SLC25A24: variants seen among roughly 807,000 people sequenced by gnomAD.
The protein encoded by SLC25A24 is solute carrier family 25 member 24.
Under a neutral mutation model 60.7 loss-of-function variants are expected in SLC25A24, and 49 were observed. The ratio of observed to expected loss-of-function variants is 0.81; its 90% CI spans 0.64 to 1.02. The LOEUF (loss-of-function observed/expected upper bound fraction) is 1.02. SLC25A24 is among the 50% of genes least tolerant of loss of function. The pLI is 0.00. For missense variants in SLC25A24, 564 were observed against 586.3 expected (o/e 0.96, Z 0.39); for synonymous variants, 202 against 200.6 (o/e 1.01, Z -0.06).
intron 2 of SLC25A24, among the ~76,000 whole-genome samples, chr1:108,182,361 T>C (rs1414323407): frequency 6.6e-6 from 1 of 152,216 alleles, no homozygotes; most frequent in African/African-American, 2.4e-5. Flanking sequence ...CAAATCAAGA[T>C]ATTCTAACTC....
chr1:108,170,934 C>T (rs528215048), intron 3 of SLC25A24, among the ~76,000 whole-genome samples: 9 of 152,146 alleles, frequency 5.9e-5, no homozygotes, highest in Admixed American at 1.3e-4. Context: ...AGGATAAGAA[C>T]TCTATTTAGG....
At chr1:108,175,197 CA>C (rs756584696) in intron 3 of SLC25A24, among the ~76,000 whole-genome samples, 12 of 152,144 alleles carry the variant, frequency 7.9e-5, no homozygotes, top group Non-Finnish European at 1.2e-4. Context: ...CCACATGTCA[CA>C]GGAGGGACCC....
intron 3 of SLC25A24, among the ~76,000 whole-genome samples, chr1:108,168,123 A>G (rs1395070580): frequency 1.3e-5 from 2 of 152,206 alleles, no homozygotes; most frequent in African/African-American, 4.8e-5. Context: ...AAATGATGCA[A>G]AAGGATGGCA....
chr1:108,138,291 A>G (rs574601420), intron 9 of SLC25A24, among the ~76,000 whole-genome samples: 1 of 152,264 alleles, frequency 6.6e-6, no homozygotes, highest in East Asian at 1.9e-4. Context: ...TTAGTTACTG[A>G]CTGCTTGGCT....
At position 108,160,948 on chromosome 1, in the gene SLC25A24, G is replaced by C. The variant is rs529282532; in HGVS notation, c.510+234C>G. 3.8e-4 allele frequency among the ~76,000 whole-genome samples: 58 copies of C among 152,210 alleles called. No individual in the cohort carries two copies. The South Asian group carries it at 0.011, about 28-fold the overall frequency. On this transcript the variant is annotated intron_variant, in intron 4 of 9. Coordinates refer to ENST00000565488, the MANE Select transcript of SLC25A24 (RefSeq NM_013386.5). ...ATCAGAGGGAGACCGTGGAAAGAGAGGGAGAGGGAGACCGTGGGGAGGGGG... is the reference window on the plus strand; with the variant it reads ...ATCAGAGGGAGACCGTGGAAAGAGACGGAGAGGGAGACCGTGGGGAGGGGG...
chr1:108,184,993 C>G (rs571533232), intron 2 of SLC25A24, among the ~76,000 whole-genome samples: 97 of 152,174 alleles, frequency 6.4e-4, no homozygotes, highest in African/African-American at 2.2e-3. Flanking sequence ...GCTTCAAGAC[C>G]CTATTTCCAA....
At chr1:108,179,211 A>T (rs1647822886) in intron 3 of SLC25A24, among the ~76,000 whole-genome samples, 1 of 152,128 alleles carries the variant, frequency 6.6e-6, no homozygotes, top group Admixed American at 6.5e-5. Flanking sequence ...TACACTTAGA[A>T]TGACTATTAC....
At chr1:108,199,694 G>A (rs2101652129) in intron 1 of SLC25A24, 2 of 540,672 alleles carry the variant, frequency 3.7e-6, no homozygotes, top group Non-Finnish European at 6.5e-6. Context: ...AAATTTAACA[G>A]TGCCCGTGGG....
intron 8 of SLC25A24, among the ~76,000 whole-genome samples, chr1:108,142,731 T>C (rs1464915043): frequency 6.6e-6 from 1 of 152,200 alleles, no homozygotes; most frequent in Non-Finnish European, 1.5e-5. Context: ...TTAATGCCAC[T>C]GAATTGTACA....
chr1:108,148,472 C>T (rs1415389838), intron 6 of SLC25A24, 86 bp from the exon 7 acceptor site: 1 of 782,446 alleles, frequency 1.3e-6, no homozygotes, highest in Non-Finnish European at 2.3e-6. Flanking sequence ...GAAGCTGTAA[C>T]CTCCCATGTG....
At position 108,185,828 on chromosome 1, in the gene SLC25A24, C is replaced by T. The variant is rs992471214; in HGVS notation, c.310G>A (p.Gly104Arg). Reference protein sequence around the residue: ...AFKSLDKNNDGKIEASEIVQS... With the variant: ...AFKSLDKNNDRKIEASEIVQS... Reference sequence around the variant, plus strand: ...TGATAAATACAAAAGAAAGACACACCATCATTATTTTTGTCTAAACTCTTA... The same window carrying T: ...TGATAAATACAAAAGAAAGACACACTATCATTATTTTTGTCTAAACTCTTA... Residue 104 changes from glycine (G) to arginine (R), a missense_variant and splice_region_variant, in exon 2 of 10, where the codon GGA becomes AGA. Gly to Arg is a moderately radical substitution (Grantham distance 125, BLOSUM62 -2). Coordinates refer to ENST00000565488, the MANE Select transcript of SLC25A24 (RefSeq NM_013386.5). 1.6e-5 allele frequency: 26 copies of T among 1,583,546 alleles called. No homozygotes were observed. Among genetic ancestry groups the T allele is most frequent in the Non-Finnish European group, 2.2e-5 (26 of 1,159,150 alleles).
intron 3 of SLC25A24, among the ~76,000 whole-genome samples, chr1:108,180,616 ATCTC>A (rs3043349): frequency 0.018 from 1,092 of 61,592 alleles, 12 homozygotes; most frequent in East Asian, 0.039. Context: ...CAAGAGAAAG[ATCTC>A]TCTCTCTCTC....
At chr1:108,153,168 T>C (rs1310987560) in intron 6 of SLC25A24, among the ~76,000 whole-genome samples, 1 of 152,150 alleles carries the variant, frequency 6.6e-6, no homozygotes, top group African/African-American at 2.4e-5. Context: ...ACAAGAACAC[T>C]ACCCCACACT....
chr1:108,152,120 C>T (rs1429445029), intron 6 of SLC25A24, among the ~76,000 whole-genome samples: 3 of 152,148 alleles, frequency 2.0e-5, no homozygotes, highest in Non-Finnish European at 4.4e-5. Flanking sequence ...GTACTCATTT[C>T]ACTTCCCTAT....
At chr1:108,176,482 C>G (rs1647677697) in intron 3 of SLC25A24, among the ~76,000 whole-genome samples, 1 of 152,010 alleles carries the variant, frequency 6.6e-6, no homozygotes, top group Non-Finnish European at 1.5e-5. Flanking sequence ...AGAAAATTTT[C>G]CAAACCTGGA....
Position 108,136,674 on chromosome 1 carries a change from AG to A in SLC25A24, c.1412del (p.Thr471IlefsTer2), listed in dbSNP as rs765493447. 1 of 1,613,710 alleles carries A rather than the reference AG, an allele frequency of 6.2e-7. No individual in the cohort carries two copies. Among genetic ancestry groups the A allele is most frequent in the East Asian group, 2.2e-5 (1 of 44,862 alleles). ...SYVVYENMKQ[T>X]LGVTQK is the part of the protein sequence containing the mutation. ...AACATCATTTCTGGGTTACTCCTAA[AG>A]TTTGCTTCATATTTTCATAAACCAC... On this transcript the variant is annotated frameshift_variant, in exon 10 of 10. Transcript: ENST00000565488. LOFTEE classifies it high-confidence loss of function.
chr1:108,187,438 A>C (rs971350222), intron 1 of SLC25A24, among the ~76,000 whole-genome samples: 17 of 152,310 alleles, frequency 1.1e-4, no homozygotes, highest in African/African-American at 4.1e-4. Flanking sequence ...ATAAACTCCT[A>C]AAACTGGCAA....
Position 108,157,549 on chromosome 1 carries a change from C to A in SLC25A24, c.582G>T (p.Trp194Cys). ...TGCCTCCTGCCAAAAGCTGCCTCCA[C>A]CATTGTCCGGATTTTTTTTCGTCTT... ...FTEDEKKSGQWWRQLLAGGIA... is the reference protein window; with the variant it reads ...FTEDEKKSGQCWRQLLAGGIA... The change falls in exon 5 of 10, where the codon TGG becomes TGT. Residue 194 changes from tryptophan to cysteine, a missense_variant. Trp to Cys is a radical substitution (Grantham distance 215). Transcript: ENST00000565488. 1 of 1,614,146 alleles carries A rather than the reference C, an allele frequency of 6.2e-7. No individual in the cohort carries two copies. Among genetic ancestry groups the A allele is most frequent in the Non-Finnish European group, 8.5e-7 (1 of 1,180,032 alleles).
chr1:108,200,175 A>C lies in SLC25A24; in HGVS notation c.-37T>G. The C allele has an allele frequency of 6.6e-7, 1 of 1,520,752 alleles. No homozygotes were observed. Among genetic ancestry groups the C allele is most frequent in the Non-Finnish European group, 8.8e-7 (1 of 1,137,908 alleles). The allele number at this position is 1,520,752 out of a possible 1,614,324, so 94.2% of individuals were successfully genotyped here. A position where few individuals can be genotyped will look rare whatever the true frequency, so the allele number is the denominator to read the frequency against. On this transcript the variant is annotated 5_prime_UTR_variant, in exon 1 of 10. Coordinates refer to ENST00000565488, the MANE Select transcript of SLC25A24 (RefSeq NM_013386.5). ...CGCAGGCGGCCTGGCCGAGGAAGTC[A>C]CGGGAGATCGAGGGCTGCGGGGCGA...
Sources: gnomAD v4.1 joint callset for allele counts (sites outside exome capture counted in the v4.1 genomes callset) on GRCh38, gnomAD v4.1.1 for gene constraint, MANE v1.5 for transcripts, NCBI Gene and HGNC (gene_info 2026-07-23, HGNC 2026-07-21) for gene names.